Variants in IGSF5 observed in about 807,000 individuals in gnomAD.
IGSF5 encodes immunoglobulin superfamily 5 like.
IGSF5 carries 41 observed loss-of-function variants against 39.4 expected under a neutral mutation model. The ratio of observed to expected loss-of-function variants is 1.04; its 90% CI spans 0.81 to 1.35. IGSF5 has a LOEUF of 1.35. Ranked by LOEUF, IGSF5 falls within the 40% of genes most tolerant of loss-of-function variation. The pLI, the probability that IGSF5 is intolerant of heterozygous loss-of-function variation, is 0.00. For missense variants in IGSF5, 487 were observed against 494.6 expected (o/e 0.98, Z 0.15); for synonymous variants, 183 against 175.3 (o/e 1.04, Z -0.34).
chr21:39,731,935 G>C, the IGSF5 span, among the ~76,000 whole-genome samples: 1 of 152,154 alleles, frequency 6.6e-6, no homozygotes, highest in Non-Finnish European at 1.5e-5. Context: ...TCTAGGTTCG[G>C]GCTGCAAAAG....
Position 39,771,043 on chromosome 21 carries a change from C to T in IGSF5, c.546C>T (p.Val182=). The stretch of plus-strand genomic sequence containing the variant: ...TTTCCTGGGAGCTCGGTCTCCTGGT[C>T]AGCCATTCAAGCTATTATTTTGTTC... The part of the protein sequence containing the change: ...PDISWELGLL[V]SHSSYYFVPE... Residue 182 remains valine (V), a synonymous_variant, in exon 4 of 9, where the codon GTC becomes GTT. Coordinates refer to ENST00000380588, the MANE Select transcript of IGSF5 (RefSeq NM_001080444.2). 3 of 1,613,704 alleles carry T rather than the reference C, an allele frequency of 1.9e-6. No homozygotes were observed. The highest frequency in any genetic ancestry group is 2.5e-6 in the Non-Finnish European group (3 of 1,179,860).
At chr21:39,733,352 G>A in the IGSF5 span, among the ~76,000 whole-genome samples, 1 of 151,986 alleles carries the variant, frequency 6.6e-6, no homozygotes, top group Non-Finnish European at 1.5e-5. Context: ...AATTAAAAAG[G>A]ATATAAAATT....
At chr21:39,758,006 G>A (rs2080041071) in intron 2 of IGSF5, among the ~76,000 whole-genome samples, 1 of 152,220 alleles carries the variant, frequency 6.6e-6, no homozygotes, top group African/African-American at 2.4e-5. Flanking sequence ...CTTCTGAACG[G>A]TAGATGCTTG....
intron 4 of IGSF5, among the ~76,000 whole-genome samples, chr21:39,772,833 A>T (rs1337775690): frequency 6.6e-6 from 1 of 152,162 alleles, no homozygotes; most frequent in African/African-American, 2.4e-5. Flanking sequence ...CATTGGCGTA[A>T]GTTTGACCGT....
At chr21:39,717,179 C>A in the IGSF5 span, among the ~76,000 whole-genome samples, 1 of 151,996 alleles carries the variant, frequency 6.6e-6, no homozygotes, top group Non-Finnish European at 1.5e-5. Context: ...TGTCTTATGC[C>A]CACTTTTTAA....
chr21:39,748,471 C>T (rs779096945), intron 2 of IGSF5, among the ~76,000 whole-genome samples: 9 of 151,996 alleles, frequency 5.9e-5, no homozygotes, highest in East Asian at 1.9e-4. Context: ...CCATCACATC[C>T]GGCTAATTTT....
rs1170618511 is a variant in IGSF5, at chr21:39,802,018, C to T, written c.*661C>T. 2.0e-5 allele frequency: 3 copies of T among 152,162 alleles called. No homozygotes were observed. The highest frequency in any genetic ancestry group is 4.4e-5 in the Non-Finnish European group (3 of 68,024). 9.4% of individuals were successfully genotyped at this position (152,162 alleles called of 1,614,324 possible). ...CAGAGGATGGACCTCACCTACTCCG[C>T]ACACCGTGAAAAAACTGGAAATGGG... is the stretch of plus-strand genomic sequence containing the variant. On this transcript the variant is annotated 3_prime_UTR_variant, in exon 9 of 9. Coordinates refer to ENST00000380588, the MANE Select transcript of IGSF5 (RefSeq NM_001080444.2).
chr21:39,731,414 C>T, the IGSF5 span, among the ~76,000 whole-genome samples: 2 of 152,292 alleles, frequency 1.3e-5, no homozygotes, highest in Non-Finnish European at 2.9e-5. Context: ...CTTCCATATT[C>T]CCTTCTCTTT....
At chr21:39,760,463 C>CATG (rs2080055521) in intron 2 of IGSF5, among the ~76,000 whole-genome samples, 1 of 152,176 alleles carries the variant, frequency 6.6e-6, no homozygotes, top group Non-Finnish European at 1.5e-5. Context: ...TGTGAGAGCC[C>CATG]TGAGGCCAGA....
In IGSF5 at chr21:39,779,157, T is replaced by C; in HGVS notation, c.786T>C (p.Pro262=). The part of the protein sequence containing the change: ...SSLPSLGFSL[P]TWGKVGLGLA... Reference sequence around the variant, plus strand: ...TACCGAGTTTAGGTTTTTCATTGCCTACTTGGGGCAAAGTTGGACTTGGAC... The same window carrying C: ...TACCGAGTTTAGGTTTTTCATTGCCCACTTGGGGCAAAGTTGGACTTGGAC... Residue 262 remains proline, a synonymous_variant, in exon 5 of 9, where the codon CCT becomes CCC. Coordinates refer to ENST00000380588, the MANE Select transcript of IGSF5 (RefSeq NM_001080444.2). 1 of 1,614,162 alleles carries C rather than the reference T, an allele frequency of 6.2e-7. No individual in the cohort carries two copies. The highest frequency in any genetic ancestry group is 8.5e-7 in the Non-Finnish European group (1 of 1,179,990).
chr21:39,753,651 G>GTAAT lies in IGSF5; in HGVS notation c.100+7354_100+7355insAATT, dbSNP rs2080016262. Reference sequence around the variant, plus strand: ...AGTAGTAATTGTTTTTAAAATCTGGGTGCTCCATTGTTAGGTGCATATAAA... The same window carrying GTAAT: ...AGTAGTAATTGTTTTTAAAATCTGGGTAATTGCTCCATTGTTAGGTGCATATAAA... On this transcript the variant is annotated intron_variant, in intron 2 of 8. Coordinates refer to ENST00000380588, the MANE Select transcript of IGSF5 (RefSeq NM_001080444.2). Among the ~76,000 whole-genome samples the GTAAT allele has an allele frequency of 2.0e-5, 3 of 152,114 alleles. No individual in the cohort carries two copies. The South Asian group carries it at 6.2e-4, about 32-fold the overall frequency.
intron 2 of IGSF5, among the ~76,000 whole-genome samples, chr21:39,759,902 G>A (rs1288686167): frequency 1.3e-5 from 2 of 151,336 alleles, no homozygotes; most frequent in African/African-American, 4.9e-5. Flanking sequence ...CATACGTGCT[G>A]TCTTGAGGGT....
rs754052290 is a variant in IGSF5 at position 39,765,688 on chromosome 21, A to G, written c.254A>G (p.Glu85Gly). The G allele has an allele frequency of 6.2e-7, 1 of 1,613,962 alleles. No homozygotes were observed. The highest frequency in any genetic ancestry group is 1.3e-5 in the African/African-American group (1 of 74,898). ...GTGGTGCTAAGCGTCAGGCCCATGG[A>G]GCCCATCATCACCAATGACCGCTTC... is the stretch of plus-strand genomic sequence containing the variant. ...DMVVLSVRPM[E>G]PIITNDRFTS... Residue 85 changes from glutamate (E) to glycine (G), a missense_variant, in exon 3 of 9, where the codon GAG becomes GGG. By Grantham distance (98) the Glu-to-Gly change is moderately conservative (BLOSUM62 -2). Transcript: ENST00000380588.
At chr21:39,751,626 G>T (rs7278720) in intron 2 of IGSF5, among the ~76,000 whole-genome samples, 89,246 of 135,820 alleles carry the variant, frequency 0.66, 30,561 homozygotes, top group Non-Finnish European at 0.78. Context: ...ATGGGCTGGG[G>T]GGGGTGGGGT....
intron 8 of IGSF5, among the ~76,000 whole-genome samples, chr21:39,799,401 A>G (rs1043903594): frequency 1.3e-5 from 2 of 152,128 alleles, no homozygotes; most frequent in Non-Finnish European, 2.9e-5. Flanking sequence ...GTTAAAATGC[A>G]CACTCTTGGG....
chr21:39,765,569 C>T lies in IGSF5; in HGVS notation c.135C>T (p.Pro45=), dbSNP rs767466462. The change falls in exon 3 of 9, where the codon CCC becomes CCT. Residue 45 remains proline, a synonymous_variant. Transcript: ENST00000380588. ...CTGGTAATGAAGTCATAGAAGGCCC[C>T]CAAAATGCAAGAGTCCTGAAGGGCT... ...SGSGNEVIEG[P]QNARVLKGSQ... 8.7e-6 allele frequency: 14 copies of T among 1,613,828 alleles called. No individual in the cohort carries two copies. The African/African-American group carries it at 1.2e-4, about 14-fold the overall frequency.
At chr21:39,736,323 G>A in the IGSF5 span, among the ~76,000 whole-genome samples, 1 of 152,154 alleles carries the variant, frequency 6.6e-6, no homozygotes, top group African/African-American at 2.4e-5. Flanking sequence ...ACATGAATAT[G>A]TTTTATGCAA....
chr21:39,731,999 A>G, the IGSF5 span, among the ~76,000 whole-genome samples: 1 of 152,218 alleles, frequency 6.6e-6, no homozygotes, highest in African/African-American at 2.4e-5. Context: ...TCCAGCAGCC[A>G]TGCTGTGAGG....
the IGSF5 span, among the ~76,000 whole-genome samples, chr21:39,714,826 C>T: frequency 6.6e-6 from 1 of 152,208 alleles, no homozygotes; most frequent in Non-Finnish European, 1.5e-5. Context: ...CAAATAAGTT[C>T]ACATTCTGAG....
Sources: allele counts gnomAD v4.1 joint callset (sites outside exome capture counted in the v4.1 genomes callset), GRCh38; gene constraint gnomAD v4.1.1; transcripts MANE v1.5; gene names NCBI Gene and HGNC (gene_info 2026-07-23, HGNC 2026-07-21).